The following SAMSN1 variants were observed in gnomAD, a reference collection of about 807,000 sequenced individuals.
The protein encoded by SAMSN1 is SAM domain-containing protein SAMSN-1.
SAMSN1 carries 31 observed loss-of-function variants against 42.0 expected under a neutral mutation model. The ratio of observed to expected loss-of-function variants is 0.74; its 90% CI spans 0.55 to 1.00. The LOEUF (loss-of-function observed/expected upper bound fraction) is 1.00. SAMSN1 is among the 50% of genes least tolerant of loss of function. The probability of loss-of-function intolerance (pLI) is 0.00; values close to 1 mark genes in which losing one functional copy is unlikely to be tolerated. For missense variants in SAMSN1, 464 were observed against 439.4 expected (o/e 1.06, Z -0.50); for synonymous variants, 178 against 151.9 (o/e 1.17, Z -1.26).
chr21:14,508,371 C>T (rs1293439698), intron 5 of SAMSN1, among the ~76,000 whole-genome samples: 7 of 151,620 alleles, frequency 4.6e-5, no homozygotes, highest in Non-Finnish European at 8.8e-5. Context: ...AAAAAACAAA[C>T]AATCCCATCA....
chr21:14,657,833 C>G (rs1983940614), intron 1 of SAMSN1, among the ~76,000 whole-genome samples: 2 of 151,792 alleles, frequency 1.3e-5, no homozygotes, highest in African/African-American at 2.4e-5. Context: ...TCAAGATGCT[C>G]TAAGATTAAA....
chr21:14,638,807 A>G (rs140263242), intron 2 of SAMSN1, among the ~76,000 whole-genome samples: 126 of 152,334 alleles, frequency 8.3e-4, no homozygotes, highest in Non-Finnish European at 1.3e-3. Flanking sequence ...CAAGACTTGA[A>G]GCAACTTTCC....
At chr21:14,585,772 A>G (rs1034609200), upstream of SAMSN1, among the ~76,000 whole-genome samples, 2 of 152,190 alleles carry the variant, frequency 1.3e-5, no homozygotes, top group African/African-American at 4.8e-5. Flanking sequence ...TCCTAATTTT[A>G]TACATGTTTT....
intron 5 of SAMSN1, among the ~76,000 whole-genome samples, chr21:14,502,256 G>GCTGGTT (rs59866274): frequency 2.0e-5 from 3 of 151,706 alleles, no homozygotes; most frequent in African/African-American, 7.3e-5. Flanking sequence ...GATCTGTTAG[G>GCTGGTT]CTTTCTGCCT....
At chr21:14,564,945 G>T (rs1449930706) in intron 2 of SAMSN1, among the ~76,000 whole-genome samples, 1 of 152,084 alleles carries the variant, frequency 6.6e-6, no homozygotes, top group East Asian at 1.9e-4. Context: ...CTGAAATTGA[G>T]CAGAGGGGCA....
chr21:14,526,713 G>C (rs1299154183), intron 1 of SAMSN1, among the ~76,000 whole-genome samples: 2 of 152,042 alleles, frequency 1.3e-5, no homozygotes, highest in Non-Finnish European at 2.9e-5. Context: ...ACAGAATCTA[G>C]ATCCTGTCTT....
intron 2 of SAMSN1, among the ~76,000 whole-genome samples, chr21:14,641,294 CTTA>C (rs1172194096): frequency 2.0e-5 from 3 of 152,126 alleles, no homozygotes; most frequent in Non-Finnish European, 2.9e-5. Flanking sequence ...GTTACTGAGA[CTTA>C]TTATTAAACT....
intron 2 of SAMSN1, among the ~76,000 whole-genome samples, chr21:14,616,278 G>A (rs370465952): frequency 2.0e-5 from 3 of 151,230 alleles, no homozygotes; most frequent in East Asian, 1.9e-4. Flanking sequence ...CTTTATTAAC[G>A]AGGGCTTATA....
intron 1 of SAMSN1, among the ~76,000 whole-genome samples, chr21:14,649,785 AC>A (rs1555847359): frequency 1.3e-5 from 2 of 151,576 alleles, no homozygotes; most frequent in South Asian, 4.2e-4. Context: ...ACACACACAC[AC>A]ACACACACAC....
chr21:14,542,565 T>A (rs550249166), intron 1 of SAMSN1, among the ~76,000 whole-genome samples: 66 of 152,316 alleles, frequency 4.3e-4, no homozygotes, highest in African/African-American at 1.5e-3. Context: ...TGTAATGCAA[T>A]AACATCTCAT....
At chr21:14,586,718 G>A (rs1012282633), upstream of SAMSN1, among the ~76,000 whole-genome samples, 2 of 152,200 alleles carry the variant, frequency 1.3e-5, no homozygotes, top group African/African-American at 4.8e-5. Context: ...ATCAGGAGGA[G>A]CTTCACTGAA....
At chr21:14,595,829 A>C (rs1982244314) in intron 6 of SAMSN1, among the ~76,000 whole-genome samples, 1 of 152,172 alleles carries the variant, frequency 6.6e-6, no homozygotes, top group Non-Finnish European at 1.5e-5. Flanking sequence ...AAAGTAGCTG[A>C]AGTGACTGCA....
At chr21:14,542,347 C>T (rs1568799836) in intron 1 of SAMSN1, among the ~76,000 whole-genome samples, 1 of 152,134 alleles carries the variant, frequency 6.6e-6, no homozygotes, top group Admixed American at 6.5e-5. Flanking sequence ...ATTGACCTTC[C>T]TTATGCCTTA....
At chr21:14,630,522 T>A (rs534201564) in intron 2 of SAMSN1, among the ~76,000 whole-genome samples, 20 of 152,296 alleles carry the variant, frequency 1.3e-4, no homozygotes, top group African/African-American at 4.8e-4. Flanking sequence ...CATTTTATTT[T>A]AACATAAGTC....
At chr21:14,502,425 T>C (rs1053087766) in intron 5 of SAMSN1, among the ~76,000 whole-genome samples, 5 of 152,164 alleles carry the variant, frequency 3.3e-5, no homozygotes, top group Non-Finnish European at 5.9e-5. Context: ...CCTTTAAAGG[T>C]ATATACCTGT....
intron 2 of SAMSN1, among the ~76,000 whole-genome samples, chr21:14,576,631 A>G (rs1981475382): frequency 6.7e-6 from 1 of 149,800 alleles, no homozygotes; most frequent in African/African-American, 2.6e-5. Flanking sequence ...CCTCCAACTG[A>G]AACAGTTGCG....
At chr21:14,529,956 T>C (rs1021024407) in intron 1 of SAMSN1, among the ~76,000 whole-genome samples, 3 of 152,296 alleles carry the variant, frequency 2.0e-5, no homozygotes, top group African/African-American at 7.2e-5. Flanking sequence ...ATAATTTGAA[T>C]TCACTTAACC....
At chr21:14,549,442 A>C (rs369106356), upstream of SAMSN1, among the ~76,000 whole-genome samples, 69 of 152,280 alleles carry the variant, frequency 4.5e-4, 7 homozygotes, top group South Asian at 1.7e-3. Flanking sequence ...TTGCTCTAAT[A>C]GTTAAAACTT....
chr21:14,516,825 T>C (rs1987939512), intron 3 of SAMSN1, 67 bp downstream of exon 3: 1 of 1,334,136 alleles, frequency 7.5e-7, no homozygotes, highest in Non-Finnish European at 1.0e-6. Context: ...AGCACTTCTA[T>C]AGTCTAGCTG....
Sources: gnomAD v4.1 joint callset for allele counts (sites outside exome capture counted in the v4.1 genomes callset) on GRCh38, gnomAD v4.1.1 for gene constraint, MANE v1.5 for transcripts, NCBI Gene and HGNC (gene_info 2026-07-23, HGNC 2026-07-21) for gene names.